The following MALRD1 variants were observed in gnomAD, a reference collection of about 807,000 sequenced individuals.
MALRD1 encodes MAM and LDL receptor class A domain containing 1.
Under a neutral mutation model 242.1 loss-of-function variants are expected in MALRD1, and 247 were observed. That is an observed-to-expected ratio of 1.02 (90% CI 0.92 to 1.13). MALRD1 has a LOEUF of 1.13. Among genes scored for constraint, MALRD1 ranks in the 50% most tolerant of loss-of-function variants. The pLI is 0.00. For missense variants in MALRD1, 2,989 were observed against 2,533.1 expected (o/e 1.18, Z -3.86); for synonymous variants, 995 against 866.6 (o/e 1.15, Z -2.60).
intron 2 of MALRD1, among the ~76,000 whole-genome samples, chr10:19,075,016 A>T (rs1835273785): frequency 6.6e-6 from 1 of 152,058 alleles, no homozygotes; most frequent in Admixed American, 6.6e-5. Flanking sequence ...TGGTTTGAAC[A>T]TACCCAGTAG....
chr10:19,537,955 A>G (rs546981566), intron 32 of MALRD1, among the ~76,000 whole-genome samples: 54 of 152,328 alleles, frequency 3.5e-4, no homozygotes, highest in African/African-American at 1.2e-3. Context: ...TTAAAATGGA[A>G]TATAAAGATA....
At chr10:19,611,032 A>G (rs3852483) in intron 35 of MALRD1, among the ~76,000 whole-genome samples, 119,929 of 151,734 alleles carry the variant, frequency 0.79, 49,361 homozygotes, top group Non-Finnish European at 0.9. Context: ...ACTAGGTTTC[A>G]TAGGCAATGC....
intron 33 of MALRD1, among the ~76,000 whole-genome samples, chr10:19,585,623 A>G (rs1238922169): frequency 1.3e-5 from 2 of 151,934 alleles, no homozygotes; most frequent in African/African-American, 4.8e-5. Context: ...TTCCCTTTGT[A>G]GGTAACCCGA....
intron 29 of MALRD1, among the ~76,000 whole-genome samples, chr10:19,465,719 A>G (rs1049547376): frequency 2.0e-5 from 3 of 152,110 alleles, no homozygotes; most frequent in Non-Finnish European, 4.4e-5. Flanking sequence ...TTTTTAATAC[A>G]GACAGGATTT....
At chr10:19,179,072 T>C (rs17720401) in intron 14 of MALRD1, among the ~76,000 whole-genome samples, 12,422 of 152,218 alleles carry the variant, frequency 0.082, 591 homozygotes, top group Non-Finnish European at 0.11. Context: ...ATTTGAAATA[T>C]ATGCAGGATA....
At chr10:19,641,949 A>G in intron 36 of MALRD1, among the ~76,000 whole-genome samples, 1 of 152,136 alleles carries the variant, frequency 6.6e-6, no homozygotes. Flanking sequence ...GAATAATAGG[A>G]GTCAAAAGAT....
At chr10:19,520,746 G>C (rs546857345) in intron 31 of MALRD1, among the ~76,000 whole-genome samples, 1 of 151,556 alleles carries the variant, frequency 6.6e-6, no homozygotes, top group Non-Finnish European at 1.5e-5. Context: ...GTGATGTTTC[G>C]ACAACAAAAA....
At chr10:19,589,740 T>A (rs554132601) in intron 33 of MALRD1, among the ~76,000 whole-genome samples, 105 of 152,314 alleles carry the variant, frequency 6.9e-4, no homozygotes, top group Non-Finnish European at 1.1e-3. Context: ...ATCACAGTCA[T>A]CAACGTTTCT....
intron 38 of MALRD1, among the ~76,000 whole-genome samples, chr10:19,699,033 G>A (rs1833499596): frequency 6.6e-6 from 1 of 151,984 alleles, no homozygotes; most frequent in Non-Finnish European, 1.5e-5. Context: ...ACACACCGGG[G>A]CCTGTTGGGG....
chr10:19,054,564 G>A lies in MALRD1; in HGVS notation c.199+5427G>A, dbSNP rs1223540330. On this transcript the variant is annotated intron_variant, in intron 1 of 39. Transcript: ENST00000454679. ...CTTTTATTATCTTCCCATTATTGCC[G>A]CCTATACCCCAGTGTCTGGTAATCA... 2.6e-5 allele frequency among the ~76,000 whole-genome samples: 4 copies of A among 152,014 alleles called. No individual in the cohort carries two copies. The South Asian group carries it at 6.2e-4, about 24-fold the overall frequency.
At chr10:19,542,436 T>G (rs1388273202) in intron 32 of MALRD1, among the ~76,000 whole-genome samples, 1 of 151,848 alleles carries the variant, frequency 6.6e-6, no homozygotes, top group Non-Finnish European at 1.5e-5. Context: ...TAATTTATAG[T>G]TTTAATAATT....
At chr10:19,112,610 A>C (rs1836717579) in intron 5 of MALRD1, among the ~76,000 whole-genome samples, 1 of 152,112 alleles carries the variant, frequency 6.6e-6, no homozygotes, top group South Asian at 2.1e-4. Flanking sequence ...AGGCCTGTAC[A>C]TCTCAAATTT....
At chr10:19,266,136 T>C (rs1325336030) in intron 19 of MALRD1, among the ~76,000 whole-genome samples, 1 of 133,372 alleles carries the variant, frequency 7.5e-6, no homozygotes, top group Non-Finnish European at 1.6e-5. Flanking sequence ...ATGCAGCACA[T>C]TATTGGATAT....
intron 32 of MALRD1, among the ~76,000 whole-genome samples, chr10:19,556,492 A>G (rs1188313873): frequency 6.6e-6 from 1 of 152,018 alleles, no homozygotes; most frequent in African/African-American, 2.4e-5. Context: ...TTTTCCATGA[A>G]TTCACATAGT....
chr10:19,254,077 A>G (rs1035204408), intron 18 of MALRD1, among the ~76,000 whole-genome samples: 3 of 152,030 alleles, frequency 2.0e-5, no homozygotes, highest in Admixed American at 1.3e-4. Flanking sequence ...CCCCAGCCCT[A>G]CGGAACTGTG....
chr10:19,185,528 T>C (rs1195821223), intron 14 of MALRD1, among the ~76,000 whole-genome samples: 1 of 152,168 alleles, frequency 6.6e-6, no homozygotes, highest in Non-Finnish European at 1.5e-5. Context: ...TATTTATTTA[T>C]TCAATCTTAG....
chr10:19,353,115 T>C (rs1931884), intron 26 of MALRD1, among the ~76,000 whole-genome samples: 21,082 of 152,004 alleles, frequency 0.14, 1,489 homozygotes, highest in South Asian at 0.16. Flanking sequence ...CAATTGATCC[T>C]CCCGCCTCAG....
intron 36 of MALRD1, among the ~76,000 whole-genome samples, chr10:19,669,281 A>G (rs972897240): frequency 6.6e-6 from 1 of 152,216 alleles, no homozygotes; most frequent in African/African-American, 2.4e-5. Context: ...TCCAAAGCCA[A>G]CCAAACTAAA....
chr10:19,442,566 A>T (rs537813579), intron 28 of MALRD1, among the ~76,000 whole-genome samples: 2 of 152,056 alleles, frequency 1.3e-5, no homozygotes, highest in African/African-American at 4.8e-5. Context: ...TTTTGCATCT[A>T]TTGAGATAAT....
Sources: allele counts gnomAD v4.1 joint callset (sites outside exome capture counted in the v4.1 genomes callset), GRCh38; gene constraint gnomAD v4.1.1; transcripts MANE v1.5; gene names NCBI Gene and HGNC (gene_info 2026-07-23, HGNC 2026-07-21).